The following POLR1A variants were observed in gnomAD, a reference collection of about 807,000 sequenced individuals.
POLR1A encodes DNA-directed RNA polymerase I subunit RPA1.
POLR1A carries 84 observed loss-of-function variants against 205.3 expected under a neutral mutation model. The observed-to-expected ratio is 0.41, with a 90% CI of 0.34 to 0.49. The LOEUF is 0.49. Among genes scored for constraint, POLR1A ranks in the 20% least tolerant of loss-of-function variants. POLR1A has a pLI of 0.22. For missense variants in POLR1A, 1,645 were observed against 2,204.5 expected, an observed-to-expected ratio of 0.75 and a Z score of 5.08; for synonymous variants, 799 against 863.7, an observed-to-expected ratio of 0.93 and a Z score of 1.31.
intron 14 of POLR1A, among the ~76,000 whole-genome samples, chr2:86,056,809 GCTGA>G: frequency 6.6e-6 from 1 of 152,292 alleles, no homozygotes; most frequent in African/African-American, 2.4e-5. Flanking sequence ...AGCATGTTTT[GCTGA>G]CTATTTCAAG....
chr2:86,076,064 G>C (rs1253068380), intron 11 of POLR1A, among the ~76,000 whole-genome samples: 1 of 152,162 alleles, frequency 6.6e-6, no homozygotes. Context: ...TGAAACTGAC[G>C]CATTCCTCTG....
intron 2 of POLR1A, 25 bp from the exon 3 acceptor site, chr2:86,098,785 C>T: frequency 6.2e-7 from 1 of 1,612,594 alleles, no homozygotes; most frequent in Non-Finnish European, 8.5e-7. Context: ...TAAAAACAAA[C>T]AGGATATTAG....
At chr2:86,074,150 G>A (rs1025055957) in intron 12 of POLR1A, among the ~76,000 whole-genome samples, 19 of 152,204 alleles carry the variant, frequency 1.2e-4, no homozygotes, top group Admixed American at 7.9e-4. Context: ...GATGGGCACC[G>A]CCGCAAGGCC....
intron 6 of POLR1A, among the ~76,000 whole-genome samples, chr2:86,086,979 A>C (rs963779388): frequency 1.3e-5 from 2 of 152,254 alleles, no homozygotes; most frequent in Non-Finnish European, 2.9e-5. Flanking sequence ...AAAATTAAAA[A>C]GGCTTTCTAA....
chr2:86,029,815 T>C (rs751752445), intron 31 of POLR1A, among the ~76,000 whole-genome samples: 1 of 151,998 alleles, frequency 6.6e-6, no homozygotes. Context: ...TTAGCCAGGA[T>C]GGTCTTGATC....
chr2:86,079,367 C>T (rs1673353782), intron 9 of POLR1A, among the ~76,000 whole-genome samples: 1 of 152,168 alleles, frequency 6.6e-6, no homozygotes. Flanking sequence ...GAGAACTTGT[C>T]TCACTGGAGT....
chr2:86,103,262 C>A (rs937059713), intron 1 of POLR1A, among the ~76,000 whole-genome samples: 1 of 152,080 alleles, frequency 6.6e-6, no homozygotes, highest in East Asian at 1.9e-4. Context: ...GTCACCTGGG[C>A]AGAGGGTTTT....
At chr2:86,068,471 T>G (rs1673124875) in intron 13 of POLR1A, among the ~76,000 whole-genome samples, 1 of 150,436 alleles carries the variant, frequency 6.6e-6, no homozygotes, top group Non-Finnish European at 1.5e-5. Flanking sequence ...ACTTGGTGTT[T>G]CCTTGTCTGA....
rs914349552 is a variant in POLR1A at position 86,070,952 on chromosome 2, C to T, written c.1612-680G>A. ...TGGCTCTTCAAGAAAAAAAAAAGCA[C>T]CCACACAAGGTTAGATGAGTATGTA... On this transcript the variant is annotated intron_variant, in intron 12 of 33. Coordinates refer to ENST00000263857, the MANE Select transcript of POLR1A (RefSeq NM_015425.6). This position sits in a 1 kb window ranked among gnomAD's most constrained non-coding sequence, Gnocchi z 4.4. Among the ~76,000 whole-genome samples the T allele has an allele frequency of 6.6e-6, 1 of 151,554 alleles. No homozygotes were observed. Among genetic ancestry groups the T allele is most frequent in the Non-Finnish European group, 1.5e-5 (1 of 67,888 alleles).
intron 29 of POLR1A, 113 bp from the exon 30 acceptor site, chr2:86,031,748 C>CAG: frequency 7.3e-7 from 1 of 1,378,916 alleles, no homozygotes; most frequent in African/African-American, 1.4e-5. Context: ...CTACCTAGGC[C>CAG]CCACCTGCTC....
chr2:86,073,039 C>A (rs1324829650), intron 12 of POLR1A, among the ~76,000 whole-genome samples: 3 of 151,964 alleles, frequency 2.0e-5, no homozygotes, highest in Non-Finnish European at 4.4e-5. Context: ...ATGGTGAAAC[C>A]CCATGTCTAC....
rs1212728027 is a variant in POLR1A, at chr2:86,052,085, C to T, written c.2392+732G>A. 2.6e-5 allele frequency among the ~76,000 whole-genome samples: 4 copies of T among 152,316 alleles called. No homozygotes were observed. In the South Asian group the frequency reaches 6.2e-4, roughly 24 times the overall value. On this transcript the variant is annotated intron_variant, in intron 16 of 33. Transcript: ENST00000263857. ...TCAGCCTCCTGAGTAGCTGGGATTA[C>T]AGGTGCTTGCCACGACACCTGGCTA...
At chr2:86,029,355 C>CT (rs887480938) in intron 31 of POLR1A, among the ~76,000 whole-genome samples, 65 of 152,052 alleles carry the variant, frequency 4.3e-4, no homozygotes, top group African/African-American at 1.5e-3. Context: ...GGGGGTTAGG[C>CT]TAGAGGGCCC....
At chr2:86,063,063 C>T (rs311588) in intron 14 of POLR1A, among the ~76,000 whole-genome samples, 47,079 of 151,990 alleles carry the variant, frequency 0.31, 8,507 homozygotes, top group East Asian at 0.53. Context: ...AGGTTGGGCG[C>T]GGTGGCTCAG....
rs1289896445 is a variant in POLR1A at position 86,026,413 on chromosome 2, T to C, written c.*1010A>G. Reference sequence around the variant, plus strand: ...TACCCGCCCTGAGCTGAAATAACAGTAGACAAAGATAGAAGCTAGCCTCTG... The same window carrying C: ...TACCCGCCCTGAGCTGAAATAACAGCAGACAAAGATAGAAGCTAGCCTCTG... On this transcript the variant is annotated 3_prime_UTR_variant, in exon 34 of 34. Coordinates refer to ENST00000263857, the MANE Select transcript of POLR1A (RefSeq NM_015425.6). 1.3e-5 allele frequency: 2 copies of C among 152,234 alleles called. No homozygotes were observed. The highest frequency in any genetic ancestry group is 2.1e-4 in the South Asian group (1 of 4,832). 9.4% of individuals were successfully genotyped at this position (152,234 alleles called of 1,614,324 possible). A position where few individuals can be genotyped will look rare whatever the true frequency, so the allele number is the denominator to read the frequency against.
At chr2:86,029,424 G>A (rs1672339095) in intron 31 of POLR1A, among the ~76,000 whole-genome samples, 2 of 152,034 alleles carry the variant, frequency 1.3e-5, no homozygotes, top group Admixed American at 1.3e-4. Context: ...TGGTGAAGTG[G>A]GAGTACTTGG....
chr2:86,090,828 C>T (rs767692148), intron 3 of POLR1A, among the ~76,000 whole-genome samples: 23 of 152,206 alleles, frequency 1.5e-4, no homozygotes, highest in Non-Finnish European at 3.2e-4. Context: ...CCTCTGTAGT[C>T]CCAGCTACTC....
intron 2 of POLR1A, among the ~76,000 whole-genome samples, chr2:86,098,992 C>A (rs141826874): frequency 6.6e-6 from 1 of 151,984 alleles, no homozygotes; most frequent in Non-Finnish European, 1.5e-5. Context: ...TTACTTTGGG[C>A]GTACAACCTG....
rs1672310258 is a variant in POLR1A at position 86,028,431 on chromosome 2, T to A, written c.4897+163A>T. Reference sequence around the variant, plus strand: ...GGGAGACGTCACCTCTTCACAGATCTGCAGTCTCCTACAGGTGCACTCACT... The same window carrying A: ...GGGAGACGTCACCTCTTCACAGATCAGCAGTCTCCTACAGGTGCACTCACT... On this transcript the variant is annotated intron_variant, in intron 32 of 33. Transcript: ENST00000263857. The surrounding 1 kb of genome is among the most constrained non-coding windows in gnomAD (Gnocchi z 4.5). 6.6e-6 allele frequency among the ~76,000 whole-genome samples: 1 copy of A among 152,196 alleles called. No individual in the cohort carries two copies. Among genetic ancestry groups the A allele is most frequent in the African/African-American group, 2.4e-5 (1 of 41,446 alleles).
Sources: gnomAD v4.1 joint callset for allele counts (sites outside exome capture counted in the v4.1 genomes callset) on GRCh38, gnomAD v4.1.1 for gene constraint, Gnocchi (gnomAD v3.1) non-coding constraint, MANE v1.5 for transcripts, NCBI Gene and HGNC (gene_info 2026-07-23, HGNC 2026-07-21) for gene names.